The following RUFY1 variants were observed in gnomAD, a reference collection of about 807,000 sequenced individuals.
The protein encoded by RUFY1 is RUN and FYVE domain-containing protein 1.
In RUFY1, 54 loss-of-function variants were observed where a neutral mutation model predicts 94.6. That is an observed-to-expected ratio of 0.57 (90% CI 0.46 to 0.72). The LOEUF is 0.72. Among genes scored for constraint, RUFY1 ranks in the 30% least tolerant of loss-of-function variants. The probability of loss-of-function intolerance (pLI) is 0.00; values close to 1 mark genes in which losing one functional copy is unlikely to be tolerated. For missense variants in RUFY1, 883 were observed against 883.9 expected, an observed-to-expected ratio of 1.00 and a Z score of 0.01; for synonymous variants, 396 against 347.3, an observed-to-expected ratio of 1.14 and a Z score of -1.56.
chr5:179,600,684 C>CTT (rs398000079), intron 14 of RUFY1, among the ~76,000 whole-genome samples: 957 of 54,724 alleles, frequency 0.017, 181 homozygotes, highest in Middle Eastern at 0.036. Flanking sequence ...ATGATGGTAA[C>CTT]TTTTTTTTTT....
At chr5:179,576,701 G>A (rs1283457681) in intron 5 of RUFY1, among the ~76,000 whole-genome samples, 2 of 152,036 alleles carry the variant, frequency 1.3e-5, no homozygotes, top group African/African-American at 4.8e-5. Context: ...GATTACAGGC[G>A]TGAGCCACCA....
At chr5:179,597,297 G>A (rs940574267) in intron 13 of RUFY1, among the ~76,000 whole-genome samples, 14 of 151,978 alleles carry the variant, frequency 9.2e-5, no homozygotes, top group African/African-American at 3.1e-4. Flanking sequence ...GTGCGGTGGC[G>A]CGATCTCGGC....
chr5:179,580,398 A>G, intron 6 of RUFY1, among the ~76,000 whole-genome samples: 1 of 150,994 alleles, frequency 6.6e-6, no homozygotes, highest in African/African-American at 2.4e-5. Flanking sequence ...GCCCGCCACC[A>G]CGCCCGGCTA....
chr5:179,593,971 C>T (rs568632902), intron 11 of RUFY1, among the ~76,000 whole-genome samples: 22 of 150,474 alleles, frequency 1.5e-4, no homozygotes, highest in African/African-American at 4.1e-4. Flanking sequence ...TCTATTTCAA[C>T]GATTTATTGT....
At chr5:179,598,382 T>C (rs1236095782) in intron 13 of RUFY1, 9 of 308,840 alleles carry the variant, frequency 2.9e-5, no homozygotes, top group Non-Finnish European at 5.4e-5. Flanking sequence ...AAAGAACGAA[T>C]TTTGAGCTTC....
At position 179,609,571 on chromosome 5, in the gene RUFY1, C is replaced by T; in HGVS notation, c.*52C>T. 1 of 1,478,488 alleles carries T rather than the reference C, an allele frequency of 6.8e-7. No homozygotes were observed. Among genetic ancestry groups the T allele is most frequent in the Non-Finnish European group, 9.0e-7 (1 of 1,107,618 alleles). The allele number at this position is 1,478,488 out of a possible 1,614,324, so 91.6% of individuals were successfully genotyped here. A position where few individuals can be genotyped will look rare whatever the true frequency, so the allele number is the denominator to read the frequency against. ...ACGGACAGTGCCAAACCCTGTGGGT[C>T]TCCAGGGGCTTGGGAAATGTGTTCT... is the stretch of plus-strand genomic sequence containing the variant. On this transcript the variant is annotated 3_prime_UTR_variant, in exon 18 of 18. Transcript: ENST00000319449.
intron 7 of RUFY1, among the ~76,000 whole-genome samples, chr5:179,581,777 C>T (rs1333084035): frequency 6.6e-6 from 1 of 151,484 alleles, no homozygotes; most frequent in Non-Finnish European, 1.5e-5. Context: ...AATTCCCAGG[C>T]TCAGGCAATT....
intron 3 of RUFY1, 92 bp downstream of exon 3, chr5:179,562,756 A>G (rs1421089483): frequency 5.4e-6 from 4 of 740,432 alleles, no homozygotes; most frequent in Admixed American, 2.1e-5. Flanking sequence ...AGCCCTTTCT[A>G]ATTGGAAAGA....
chr5:179,600,649 A>G (rs985718852), intron 14 of RUFY1, among the ~76,000 whole-genome samples: 3 of 150,272 alleles, frequency 2.0e-5, no homozygotes, highest in African/African-American at 7.3e-5. Flanking sequence ...AAAGAAGCTC[A>G]AATAGGCAAA....
rs752741762 is a variant in RUFY1 at position 179,585,745 on chromosome 5, ACAGT to A, written c.957-47_957-44del. The A allele has an allele frequency of 7.5e-5, 102 of 1,353,986 alleles. 2 individuals carry two copies. The highest frequency in any genetic ancestry group is 3.0e-4 in the South Asian group (25 of 84,462). 83.9% of individuals were successfully genotyped at this position (1,353,986 alleles called of 1,614,324 possible). Reference sequence around the variant, plus strand: ...CTCTTACTGTTTACAGATTGAGAAAACAGTCAGCTTGTATAAGTTTATGTTTACT... The same window carrying A: ...CTCTTACTGTTTACAGATTGAGAAAACAGCTTGTATAAGTTTATGTTTACT... On this transcript the variant is annotated intron_variant, in intron 7 of 17. Transcript: ENST00000319449.
intron 17 of RUFY1, chr5:179,608,545 AAG>A (rs1767351023): frequency 4.1e-6 from 4 of 983,650 alleles, no homozygotes; most frequent in African/African-American, 3.6e-5. Context: ...GAATGCAGCA[AAG>A]AGAACGAACC....
Position 179,554,473 on chromosome 5 carries a change from T to C in RUFY1, c.310+3594T>C, listed in dbSNP as rs548333268. Among the ~76,000 whole-genome samples, 10 of 151,276 alleles carry C rather than the reference T, an allele frequency of 6.6e-5. No homozygotes were observed. The East Asian group carries it at 2.0e-3, about 30-fold the overall frequency. ...ATCTCTTGAACCTGGGGGGTGGAGG[T>C]TGCTGTGAGCCAAGATCGCCGCATT... On this transcript the variant is annotated intron_variant, in intron 1 of 17. Transcript: ENST00000319449.
intron 3 of RUFY1, among the ~76,000 whole-genome samples, chr5:179,565,106 G>A (rs1302185130): frequency 6.6e-6 from 1 of 151,704 alleles, no homozygotes; most frequent in African/African-American, 2.4e-5. Context: ...AGGGGAGGGG[G>A]ATGGGAAGGT....
chr5:179,598,024 A>T (rs1459103509), intron 13 of RUFY1, among the ~76,000 whole-genome samples: 1 of 152,216 alleles, frequency 6.6e-6, no homozygotes, highest in African/African-American at 2.4e-5. Flanking sequence ...CGTCATCTCT[A>T]CTAAAAATAC....
At chr5:179,555,910 C>A (rs1009417542) in intron 1 of RUFY1, 2 of 210,578 alleles carry the variant, frequency 9.5e-6, no homozygotes, top group African/African-American at 4.8e-5. Flanking sequence ...AAACTCCTGA[C>A]CTCAAGTGAC....
At position 179,569,317 on chromosome 5, in the gene RUFY1, T is replaced by C. The variant is rs1231649881; in HGVS notation, c.720T>C (p.Pro240=). The change falls in exon 5 of 18, where the codon CCT becomes CCC. Residue 240 remains proline, a synonymous_variant. Transcript: ENST00000319449. ...NKHLLSEFYE[P]EALMMEEEGM... ...TCTCTTTCAGCGAGTTCTATGAGCC[T>C]GAGGCTTTAATGATGGAGGAAGAAG... 2 of 1,613,716 alleles carry C rather than the reference T, an allele frequency of 1.2e-6. No individual in the cohort carries two copies. The highest frequency in any genetic ancestry group is 2.7e-5 in the African/African-American group (2 of 74,838).
rs781359338 is a variant in RUFY1 at position 179,609,364 on chromosome 5, C to G, written c.1984-12C>G. 2 of 1,612,332 alleles carry G rather than the reference C, an allele frequency of 1.2e-6. No homozygotes were observed. The highest frequency in any genetic ancestry group is 1.7e-5 in the Admixed American group (1 of 59,912). On this transcript the variant is annotated splice_polypyrimidine_tract_variant and intron_variant, in intron 17 of 17. Transcript: ENST00000319449. ...CCGGGTGTCCTGTGACCGCCTTCTT[C>G]CCGTCCTGTAGCACCACTGCCGGAA...
At chr5:179,551,109 A>G (rs1400992432) in intron 1 of RUFY1, among the ~76,000 whole-genome samples, 5 of 151,922 alleles carry the variant, frequency 3.3e-5, no homozygotes, top group South Asian at 2.1e-4. Context: ...CCGCGCCTCT[A>G]TGCTCTCCCA....
At chr5:179,555,461 C>T (rs894849594) in intron 1 of RUFY1, among the ~76,000 whole-genome samples, 34 of 152,068 alleles carry the variant, frequency 2.2e-4, no homozygotes, top group African/African-American at 7.5e-4. Context: ...ATGCCTCTAA[C>T]TTGAGTGCTA....
Sources: gnomAD v4.1 joint callset for allele counts (sites outside exome capture counted in the v4.1 genomes callset) on GRCh38, gnomAD v4.1.1 for gene constraint, MANE v1.5 for transcripts, NCBI Gene and HGNC (gene_info 2026-07-23, HGNC 2026-07-21) for gene names.